The following GLG1 variants were observed in gnomAD, a reference collection of about 807,000 sequenced individuals.
The protein encoded by GLG1 is golgi glycoprotein 1.
Under a neutral mutation model 160.5 loss-of-function variants are expected in GLG1, and 38 were observed. The ratio of observed to expected loss-of-function variants is 0.24; its 90% confidence interval spans 0.18 to 0.31. The LOEUF (loss-of-function observed/expected upper bound fraction) is 0.31, where lower values mean the gene tolerates loss of function less well. Among genes scored for constraint, GLG1 ranks in the 10% least tolerant of loss-of-function variants. The pLI is 1.00. For missense variants in GLG1, 1,373 were observed against 1,505.2 expected, an observed-to-expected ratio of 0.91 and a Z score of 1.45; for synonymous variants, 644 against 543.4, an observed-to-expected ratio of 1.19 and a Z score of -2.57.
In GLG1 at chr16:74,467,996, A is replaced by G. The variant is rs895308575; in HGVS notation, c.2437-148T>C. The stretch of plus-strand genomic sequence containing the variant: ...CCTTGCAGCAAGAGAATCAGGCTTT[A>G]CTTTCAATTCTGTCACCAAATAGCT... On this transcript the variant is annotated intron_variant, in intron 17 of 25. Transcript: ENST00000422840. 8 of 580,420 alleles carry G rather than the reference A, an allele frequency of 1.4e-5. No homozygotes were observed. The South Asian group carries it at 1.5e-4, about 11-fold the overall frequency. The allele number at this position is 580,420 out of a possible 1,614,324, so 36.0% of individuals were successfully genotyped here.
Position 74,503,590 on chromosome 16 carries a change from C to A in GLG1, c.715G>T (p.Asp239Tyr). 1 of 1,613,910 alleles carries A rather than the reference C, an allele frequency of 6.2e-7. No individual in the cohort carries two copies. Among genetic ancestry groups the A allele is most frequent in the Non-Finnish European group, 8.5e-7 (1 of 1,179,846 alleles). Residue 239 changes from aspartate (D) to tyrosine (Y), a missense_variant, in exon 4 of 26, where the codon GAT becomes TAT. Coordinates refer to ENST00000422840, the MANE Select transcript of GLG1 (RefSeq NM_001145667.2). ...ATGTTGATGTCATTTTTGCAGTCAT[C>A]CATGAAGCCACAGATTAAACGGTAA... Reference protein sequence around the residue: ...SDYRLICGFMDDCKNDINILK... With the variant: ...SDYRLICGFMYDCKNDINILK...
chr16:74,473,691 C>CG (rs1261550553), intron 13 of GLG1, among the ~76,000 whole-genome samples: 1 of 152,050 alleles, frequency 6.6e-6, no homozygotes, highest in East Asian at 1.9e-4. Flanking sequence ...CCGCCCGCCT[C>CG]GCCTCCCAAA....
At chr16:74,581,781 G>A (rs13334001) in intron 1 of GLG1, among the ~76,000 whole-genome samples, 3 of 151,992 alleles carry the variant, frequency 2.0e-5, no homozygotes, top group Non-Finnish European at 2.9e-5. Flanking sequence ...GCTTGGTGGC[G>A]GGCGCCTGTA....
At chr16:74,574,883 C>CAGAAAAAAA (rs2018943760) in intron 1 of GLG1, among the ~76,000 whole-genome samples, 1 of 24,792 alleles carries the variant, frequency 4.0e-5, no homozygotes, top group Non-Finnish European at 5.8e-5. Flanking sequence ...GACTCTGTCT[C>CAGAAAAAAA]AAAAAAAAAA....
intron 1 of GLG1, among the ~76,000 whole-genome samples, chr16:74,585,970 G>A (rs1224643420): frequency 2.7e-5 from 4 of 150,748 alleles, no homozygotes; most frequent in Non-Finnish European, 5.9e-5. Context: ...GGCCGAAGCA[G>A]GAGAACTGCT....
intron 2 of GLG1, among the ~76,000 whole-genome samples, chr16:74,510,891 G>A (rs541197871): frequency 6.6e-6 from 1 of 152,262 alleles, no homozygotes; most frequent in East Asian, 1.9e-4. Context: ...GGGAGGGATG[G>A]GGAGTTTGGT....
At chr16:74,484,322 GTTTTT>G (rs553549791) in intron 9 of GLG1, among the ~76,000 whole-genome samples, 1 of 151,620 alleles carries the variant, frequency 6.6e-6, no homozygotes, top group Non-Finnish European at 1.5e-5. Context: ...ACTTGCAACT[GTTTTT>G]TTTTGTTTTT....
chr16:74,534,503 T>G (rs2017633630), intron 1 of GLG1, among the ~76,000 whole-genome samples: 1 of 152,200 alleles, frequency 6.6e-6, no homozygotes, highest in Non-Finnish European at 1.5e-5. Context: ...TTGAAAGAAA[T>G]TTAGAGCATT....
chr16:74,456,477 C>T (rs1037584057), intron 25 of GLG1, 172 bp downstream of exon 25: 22 of 584,284 alleles, frequency 3.8e-5, no homozygotes, highest in East Asian at 1.2e-4. Flanking sequence ...CGTTTTCAAA[C>T]GCACTTATTG....
intron 13 of GLG1, 119 bp from the exon 14 acceptor site, chr16:74,472,530 G>C: frequency 7.0e-7 from 1 of 1,430,814 alleles, no homozygotes; most frequent in Non-Finnish European, 9.5e-7. Flanking sequence ...ACATACTTTT[G>C]GAAACGATTC....
intron 1 of GLG1, among the ~76,000 whole-genome samples, chr16:74,538,025 T>C (rs2017733255): frequency 1.3e-5 from 2 of 151,686 alleles, no homozygotes. Flanking sequence ...GAAACAGAAA[T>C]GCTTGGGAGT....
chr16:74,477,650 T>G (rs2015433219), intron 11 of GLG1, 117 bp from the exon 12 acceptor site: 1 of 715,954 alleles, frequency 1.4e-6, no homozygotes, highest in African/African-American at 1.8e-5. Flanking sequence ...TCTCCCAAAT[T>G]TTATACCTCA....
At chr16:74,488,443 C>T (rs1183386527) in intron 8 of GLG1, among the ~76,000 whole-genome samples, 3 of 151,948 alleles carry the variant, frequency 2.0e-5, no homozygotes, top group Non-Finnish European at 4.4e-5. Flanking sequence ...TTAAAACATT[C>T]GTCAATTTGA....
chr16:74,548,521 C>G (rs8050493), intron 1 of GLG1, among the ~76,000 whole-genome samples: 1 of 151,814 alleles, frequency 6.6e-6, no homozygotes, highest in South Asian at 2.1e-4. Flanking sequence ...CATATGTTAT[C>G]TGGTTGACAG....
chr16:74,530,912 T>C (rs1237732496), intron 2 of GLG1, among the ~76,000 whole-genome samples: 3 of 152,236 alleles, frequency 2.0e-5, no homozygotes, highest in Non-Finnish European at 4.4e-5. Flanking sequence ...TGGACACCTT[T>C]TTCTTTTCCT....
chr16:74,548,964 C>G (rs1454696904), intron 1 of GLG1, among the ~76,000 whole-genome samples: 1 of 152,054 alleles, frequency 6.6e-6, no homozygotes, highest in Non-Finnish European at 1.5e-5. Flanking sequence ...TCACTGCACT[C>G]CAGCCAGGGT....
At chr16:74,560,086 G>A (rs993593481) in intron 1 of GLG1, among the ~76,000 whole-genome samples, 2 of 152,124 alleles carry the variant, frequency 1.3e-5, no homozygotes, top group Non-Finnish European at 2.9e-5. Flanking sequence ...CAACTTCACT[G>A]GGCCACACGC....
At position 74,606,813 on chromosome 16, in the gene GLG1, C is replaced by G. The variant is rs968013954; in HGVS notation, c.282G>C (p.Ala94=). The change falls in exon 1 of 26, where the codon GCG becomes GCC. Residue 94 remains alanine, a synonymous_variant. Coordinates refer to ENST00000422840, the MANE Select transcript of GLG1 (RefSeq NM_001145667.2). The part of the protein sequence containing the change: ...QPQPPQPPFP[A]GGPPARRGGA... ...CTCCCCGCCGGGCCGGAGGCCCACCCGCCGGGAAAGGCGGCTGCGGCGGCT... is the reference window on the plus strand; with the variant it reads ...CTCCCCGCCGGGCCGGAGGCCCACCGGCCGGGAAAGGCGGCTGCGGCGGCT... The G allele has an allele frequency of 1.2e-6, 2 of 1,602,504 alleles. No individual in the cohort carries two copies. Among genetic ancestry groups the G allele is most frequent in the African/African-American group, 2.7e-5 (2 of 74,712 alleles).
chr16:74,543,900 G>GT (rs201805986), intron 1 of GLG1, among the ~76,000 whole-genome samples: 2,866 of 152,268 alleles, frequency 0.019, 37 homozygotes, highest in Non-Finnish European at 0.027. Flanking sequence ...AGTGAGAATA[G>GT]GGGGGAGATG....
Sources: allele counts gnomAD v4.1 joint callset (sites outside exome capture counted in the v4.1 genomes callset), GRCh38; gene constraint gnomAD v4.1.1; transcripts MANE v1.5; gene names NCBI Gene and HGNC (gene_info 2026-07-23, HGNC 2026-07-21).